Variants in TRIM49C observed in about 807,000 individuals in gnomAD.
TRIM49C encodes the protein tripartite motif-containing protein 49C.
In TRIM49C, 6 loss-of-function variants were observed where a neutral mutation model predicts 21.4. That is an observed-to-expected ratio of 0.28 (90% CI 0.15 to 0.55). The LOEUF is 0.55. Ranked by LOEUF, TRIM49C falls within the 20% of genes least tolerant of loss-of-function variation. The pLI is 0.94. For missense variants in TRIM49C, 161 were observed against 442.4 expected, an observed-to-expected ratio of 0.36 and a Z score of 5.71; for synonymous variants, 57 against 148.1, an observed-to-expected ratio of 0.38 and a Z score of 4.47.
At chr11:90,059,939 A>G in the TRIM49C span, among the ~76,000 whole-genome samples, 2 of 140,518 alleles carry the variant, frequency 1.4e-5, no homozygotes, top group African/African-American at 5.5e-5. Context: ...ACCCCTCTAG[A>G]GTAGAAGACA....
the TRIM49C span, chr11:90,071,305 T>C: frequency 2.4e-6 from 1 of 412,480 alleles, no homozygotes; most frequent in Non-Finnish European, 4.8e-6. Flanking sequence ...GTGTGTGTAC[T>C]TATGTGTTTG....
Position 90,039,128 on chromosome 11 carries a change from C to T in TRIM49C, c.761+413C>T, listed in dbSNP as rs1404008275. On this transcript the variant is annotated intron_variant, in intron 6 of 7. Transcript: ENST00000448984. ...TAGAGACTGGGTTTCACCATGTTAG[C>T]CAGGATGGTCTCTATCTCCTGACCC... Among the ~76,000 whole-genome samples the T allele has an allele frequency of 5.3e-5, 7 of 132,980 alleles. 1 individual carries two copies. The highest frequency in any genetic ancestry group is 1.1e-4 in the Non-Finnish European group (7 of 62,050). 87.2% of individuals were successfully genotyped at this position (132,980 alleles called of 152,430 possible). A position where few individuals can be genotyped will look rare whatever the true frequency, so the allele number is the denominator to read the frequency against.
the TRIM49C span, among the ~76,000 whole-genome samples, chr11:90,068,476 T>C: frequency 7.0e-6 from 1 of 143,882 alleles, no homozygotes; most frequent in Non-Finnish European, 1.5e-5. Context: ...GAAAGAGATA[T>C]CATGAGCTTA....
chr11:90,071,844 T>A, the TRIM49C span: 3 of 726,062 alleles, frequency 4.1e-6, no homozygotes, highest in Non-Finnish European at 4.4e-6. Flanking sequence ...TCAGTTATGG[T>A]TTTCTATGGG....
chr11:90,054,902 A>C, the TRIM49C span, among the ~76,000 whole-genome samples: 6 of 146,692 alleles, frequency 4.1e-5, no homozygotes, highest in African/African-American at 1.5e-4. Flanking sequence ...ATCTGAGCTA[A>C]ATTAAAAGAA....
the TRIM49C span, among the ~76,000 whole-genome samples, chr11:90,069,394 C>T: frequency 1.5e-5 from 2 of 130,254 alleles, 1 homozygote; most frequent in Admixed American, 1.8e-4. Flanking sequence ...GGATTACAGG[C>T]GTGAGCCACC....
downstream of TRIM49C, among the ~76,000 whole-genome samples, chr11:90,042,730 C>G (rs1453548996): frequency 9.1e-6 from 1 of 109,622 alleles, no homozygotes; most frequent in Non-Finnish European, 1.8e-5. Context: ...ATTAGCATTT[C>G]TTATGGGCTA....
the TRIM49C span, among the ~76,000 whole-genome samples, chr11:90,047,993 G>A: frequency 4.3e-5 from 5 of 116,006 alleles, 2 homozygotes; most frequent in Non-Finnish European, 1.7e-5. Context: ...GCATTTGCTT[G>A]TCTATACAGG....
At chr11:90,051,737 G>C in the TRIM49C span, 1 of 264,080 alleles carries the variant, frequency 3.8e-6, no homozygotes, top group Non-Finnish European at 6.9e-6. Flanking sequence ...GAGAGATAGC[G>C]CGGAAATACA....
At chr11:90,035,736 T>A in intron 3 of TRIM49C, 114 bp downstream of exon 3, 3 of 1,250,202 alleles carry the variant, frequency 2.4e-6, no homozygotes, top group Non-Finnish European at 3.1e-6. Flanking sequence ...CAGCTCTGTT[T>A]GGGCTTTCTT....
At chr11:90,055,578 T>G in the TRIM49C span, among the ~76,000 whole-genome samples, 1 of 151,594 alleles carries the variant, frequency 6.6e-6, no homozygotes, top group East Asian at 1.9e-4. Flanking sequence ...TAAACAGCAT[T>G]CCCAGATATA....
At chr11:90,043,899 G>A (rs1950786841), downstream of TRIM49C, among the ~76,000 whole-genome samples, 2 of 100,164 alleles carry the variant, frequency 2.0e-5, 1 homozygote, top group Non-Finnish European at 3.9e-5. Flanking sequence ...TTTACATTAG[G>A]TATATCTCCC....
the TRIM49C span, among the ~76,000 whole-genome samples, chr11:90,065,898 C>A: frequency 7.4e-6 from 1 of 134,924 alleles, no homozygotes; most frequent in African/African-American, 2.6e-5. Flanking sequence ...AGAGGTTACA[C>A]TGAGCCGAGA....
At chr11:90,061,917 T>A in the TRIM49C span, 1 of 318,166 alleles carries the variant, frequency 3.1e-6, no homozygotes, top group Non-Finnish European at 5.2e-6. Flanking sequence ...ATAAGCCAAC[T>A]TTGTGTTTAT....
chr11:90,037,207 T>C (rs190640718), intron 4 of TRIM49C, among the ~76,000 whole-genome samples: 1,624 of 135,590 alleles, frequency 0.012, 206 homozygotes, highest in African/African-American at 0.04. Context: ...CAAAGAAGTC[T>C]ATGTTTCAGA....
chr11:90,056,998 G>A, the TRIM49C span, among the ~76,000 whole-genome samples: 6 of 148,036 alleles, frequency 4.1e-5, no homozygotes, highest in Non-Finnish European at 5.9e-5. Flanking sequence ...TTCTTTGTAA[G>A]ATGAGATATC....
the TRIM49C span, chr11:90,051,784 A>C: frequency 3.1e-6 from 1 of 323,386 alleles, no homozygotes; most frequent in Non-Finnish European, 5.6e-6. Context: ...CACGGTGCCC[A>C]GCCCCGCGGC....
rs1218324826 is a variant in TRIM49C at position 90,032,000 on chromosome 11, T to C, written c.-190-397T>C. 2.2e-5 allele frequency among the ~76,000 whole-genome samples: 3 copies of C among 136,368 alleles called. 1 individual carries two copies. The highest frequency in any genetic ancestry group is 7.9e-5 in the African/African-American group (3 of 37,894). 89.5% of individuals were successfully genotyped at this position (136,368 alleles called of 152,430 possible). A position where few individuals can be genotyped will look rare whatever the true frequency, so the allele number is the denominator to read the frequency against. The stretch of plus-strand genomic sequence containing the variant: ...AACAAAAAAAATTAGCCAGGTGATA[T>C]AGTGTGAGCCTAAAGTCTTAGCTAC... On this transcript the variant is annotated intron_variant, in intron 1 of 7. Coordinates refer to ENST00000448984, the MANE Select transcript of TRIM49C (RefSeq NM_001195234.1).
Position 90,037,103 on chromosome 11 carries a change from G to T in TRIM49C, c.508-646G>T, listed in dbSNP as rs1471345830. On this transcript the variant is annotated intron_variant, in intron 4 of 7. Transcript: ENST00000448984. ...TGTATGTATGTATGTATGTATGTGT[G>T]TGTGTTTGTATACATATATATGTAA... 5.2e-5 allele frequency among the ~76,000 whole-genome samples: 7 copies of T among 134,070 alleles called. 2 individuals carry two copies. Among genetic ancestry groups the T allele is most frequent in the African/African-American group, 1.8e-4 (7 of 37,960 alleles). 88.0% of individuals were successfully genotyped at this position (134,070 alleles called of 152,430 possible).
Sources: allele counts gnomAD v4.1 joint callset (sites outside exome capture counted in the v4.1 genomes callset), GRCh38; gene constraint gnomAD v4.1.1; transcripts MANE v1.5; gene names NCBI Gene and HGNC (gene_info 2026-07-23, HGNC 2026-07-21).